Variants in ESR1 observed in about 807,000 individuals in gnomAD.
ESR1 encodes the protein estrogen receptor 1, also known as estrogen receptor.
A neutral mutation model predicts 52.7 loss-of-function variants in ESR1; 12 were observed. The ratio of observed to expected loss-of-function variants is 0.23; its 90% CI spans 0.15 to 0.37. The LOEUF (loss-of-function observed/expected upper bound fraction) is 0.37. Ranked by LOEUF, ESR1 falls within the 10% of genes least tolerant of loss-of-function variation. The probability of loss-of-function intolerance (pLI) is 1.00; values close to 1 mark genes in which losing one functional copy is unlikely to be tolerated. For missense variants in ESR1, 584 were observed against 779.7 expected, an observed-to-expected ratio of 0.75 and a Z score of 2.99; for synonymous variants, 305 against 316.8, an observed-to-expected ratio of 0.96 and a Z score of 0.39.
At chr6:151,704,114 A>G (rs1779999287) in intron 2 of ESR1, among the ~76,000 whole-genome samples, 1 of 152,254 alleles carries the variant, frequency 6.6e-6, no homozygotes, top group African/African-American at 2.4e-5. Flanking sequence ...GGGCTAAAAA[A>G]TAAAAGATGT....
At chr6:152,087,181 G>T (rs1211107756) in intron 6 of ESR1, among the ~76,000 whole-genome samples, 1 of 152,106 alleles carries the variant, frequency 6.6e-6, no homozygotes, top group Non-Finnish European at 1.5e-5. Context: ...GCATGATGGG[G>T]GATGTCTAGG....
At chr6:151,686,436 A>G (rs1415067735), upstream of ESR1, among the ~76,000 whole-genome samples, 1 of 152,174 alleles carries the variant, frequency 6.6e-6, no homozygotes, top group Non-Finnish European at 1.5e-5. Flanking sequence ...CTGTAATCCC[A>G]GCATTTTGGG....
chr6:151,859,823 C>A (rs547870338), intron 2 of ESR1, among the ~76,000 whole-genome samples: 1 of 152,252 alleles, frequency 6.6e-6, no homozygotes, highest in African/African-American at 2.4e-5. Context: ...TCATTGTGAG[C>A]CAATCACTAC....
At chr6:151,808,488 G>T (rs890952831) in intron 1 of ESR1, 124 bp downstream of exon 1, 91 of 837,090 alleles carry the variant, frequency 1.1e-4, no homozygotes, top group Non-Finnish European at 1.4e-4. Context: ...CCGAGGGTGC[G>T]CGCAGGGAGC....
intron 2 of ESR1, among the ~76,000 whole-genome samples, chr6:151,737,273 A>T (rs1286966362): frequency 6.6e-6 from 1 of 152,134 alleles, no homozygotes; most frequent in Non-Finnish European, 1.5e-5. Context: ...TTTCTTTACG[A>T]TAGAGTCCTA....
intron 3 of ESR1, among the ~76,000 whole-genome samples, chr6:151,931,743 AT>A (rs1428115127): frequency 1.4e-4 from 20 of 145,398 alleles, no homozygotes; most frequent in Non-Finnish European, 6.1e-5. Flanking sequence ...GAGAATGATG[AT>A]TTCCAATTTC....
intron 5 of ESR1, among the ~76,000 whole-genome samples, chr6:152,019,461 T>A (rs769893113): frequency 1.3e-5 from 2 of 152,164 alleles, no homozygotes; most frequent in African/African-American, 2.4e-5. Flanking sequence ...AAGCTGCAAG[T>A]CAAAATTCTT....
intron 1 of ESR1, among the ~76,000 whole-genome samples, chr6:151,683,864 A>ATTTTTTTTTTT (rs66983259): frequency 1.7e-5 from 2 of 118,476 alleles, no homozygotes; most frequent in African/African-American, 3.3e-5. Context: ...ACGTCTGGCT[A>ATTTTTTTTTTT]TTTTTTTTTT....
intron 2 of ESR1, among the ~76,000 whole-genome samples, chr6:151,745,311 A>G (rs115870931): frequency 0.014 from 2,056 of 152,050 alleles, 48 homozygotes; most frequent in African/African-American, 0.048. Flanking sequence ...TTTGGCCTGG[A>G]TATATATGCA....
chr6:151,780,830 CTG>C (rs151174998), intron 2 of ESR1, among the ~76,000 whole-genome samples: 2,551 of 152,324 alleles, frequency 0.017, 77 homozygotes, highest in African/African-American at 0.058. Flanking sequence ...AGTCCTGAAA[CTG>C]TTTTTGTCAC....
chr6:152,054,593 G>A (rs2046955007), intron 5 of ESR1, among the ~76,000 whole-genome samples: 1 of 152,012 alleles, frequency 6.6e-6, no homozygotes, highest in Non-Finnish European at 1.5e-5. Flanking sequence ...GCTCTTAATG[G>A]TCTTCCCTTA....
intron 1 of ESR1, among the ~76,000 whole-genome samples, chr6:151,821,288 G>A (rs1335716398): frequency 2.0e-5 from 3 of 151,994 alleles, no homozygotes; most frequent in Non-Finnish European, 1.5e-5. Flanking sequence ...CCTAATTCTG[G>A]TCACTACAAC....
rs138851146 is a variant in ESR1, at chr6:151,825,560, A to C, written c.453-17037A>C. Among the ~76,000 whole-genome samples the C allele has an allele frequency of 2.7e-3, 414 of 152,264 alleles. 3 individuals carry two copies. Among genetic ancestry groups the C allele is most frequent in the African/African-American group, 9.6e-3 (398 of 41,550 alleles). ...CAGTCCTAACCTGAGGCCGTTAAAGAATTCCCAGAGTCACGATGGAAGGCA... is the reference window on the plus strand; with the variant it reads ...CAGTCCTAACCTGAGGCCGTTAAAGCATTCCCAGAGTCACGATGGAAGGCA... On this transcript the variant is annotated intron_variant, in intron 1 of 7. Transcript: ENST00000206249.
At chr6:151,940,589 T>G (rs2034937507) in intron 3 of ESR1, among the ~76,000 whole-genome samples, 1 of 152,192 alleles carries the variant, frequency 6.6e-6, no homozygotes, top group Non-Finnish European at 1.5e-5. Flanking sequence ...ATCTAAGTAG[T>G]CTGCTCCTAA....
chr6:152,044,628 C>T (rs2982733), intron 5 of ESR1, among the ~76,000 whole-genome samples: 13,300 of 152,246 alleles, frequency 0.087, 609 homozygotes, highest in Middle Eastern at 0.14. Context: ...TGGTGTAGGT[C>T]TAAGAGTTCA....
At chr6:151,949,796 G>A (rs907961637) in intron 4 of ESR1, among the ~76,000 whole-genome samples, 4 of 152,240 alleles carry the variant, frequency 2.6e-5, no homozygotes, top group Non-Finnish European at 5.9e-5. Flanking sequence ...AAGCCTCATA[G>A]ATGCTTATTG....
At chr6:152,035,835 G>C (rs1470540208) in intron 5 of ESR1, among the ~76,000 whole-genome samples, 1 of 152,042 alleles carries the variant, frequency 6.6e-6, no homozygotes, top group Non-Finnish European at 1.5e-5. Context: ...GTAAGTTAAT[G>C]GTCCTGACAC....
At chr6:151,907,506 CT>C (rs34045541) in intron 3 of ESR1, among the ~76,000 whole-genome samples, 14 of 150,832 alleles carry the variant, frequency 9.3e-5, no homozygotes, top group African/African-American at 2.9e-4. Context: ...TCAGGTATGT[CT>C]TTTTTTTTGA....
chr6:152,065,723 A>G (rs2128972605), intron 6 of ESR1, among the ~76,000 whole-genome samples: 1 of 152,118 alleles, frequency 6.6e-6, no homozygotes, highest in Non-Finnish European at 1.5e-5. Flanking sequence ...AACCTTCTCC[A>G]GTTACCCGGA....
Sources: gnomAD v4.1 joint callset for allele counts (sites outside exome capture counted in the v4.1 genomes callset) on GRCh38, gnomAD v4.1.1 for gene constraint, MANE v1.5 for transcripts, NCBI Gene and HGNC (gene_info 2026-07-23, HGNC 2026-07-21) for gene names.